Variants in DNAJC5B observed in about 807,000 individuals in gnomAD.
DNAJC5B encodes dnaJ homolog subfamily C member 5B.
DNAJC5B carries 23 observed loss-of-function variants against 24.7 expected under a neutral mutation model. That is an observed-to-expected ratio of 0.93 (90% confidence interval 0.67 to 1.32). The LOEUF (loss-of-function observed/expected upper bound fraction) is 1.32, where lower values mean the gene tolerates loss of function less well. Ranked by LOEUF, DNAJC5B falls within the 40% of genes most tolerant of loss-of-function variation. The pLI, the probability that DNAJC5B is intolerant of heterozygous loss-of-function variation, is 0.00. For synonymous variants in DNAJC5B, 101 were observed against 90.1 expected, an observed-to-expected ratio of 1.12 and a Z score of -0.68; for missense variants, 238 against 240.8, an observed-to-expected ratio of 0.99 and a Z score of 0.08.
At chr8:66,082,472 A>G (rs763841596) in intron 5 of DNAJC5B, among the ~76,000 whole-genome samples, 10 of 152,116 alleles carry the variant, frequency 6.6e-5, no homozygotes, top group Non-Finnish European at 1.3e-4. Flanking sequence ...ACAGAAATCC[A>G]TACTAGGTGC....
chr8:66,041,037 A>G (rs1335492481), intron 1 of DNAJC5B, among the ~76,000 whole-genome samples: 1 of 152,034 alleles, frequency 6.6e-6, no homozygotes, highest in African/African-American at 2.4e-5. Context: ...ATAGAGTGGT[A>G]GTGACGGCTT....
chr8:66,097,880 G>A (rs558230060), intron 5 of DNAJC5B, among the ~76,000 whole-genome samples: 27 of 151,600 alleles, frequency 1.8e-4, no homozygotes, highest in Non-Finnish European at 2.6e-4. Context: ...ACGGAGTTTC[G>A]CTCTTGTCAC....
chr8:66,088,519 C>A (rs1307999973), intron 5 of DNAJC5B, among the ~76,000 whole-genome samples: 1 of 152,184 alleles, frequency 6.6e-6, no homozygotes, highest in Non-Finnish European at 1.5e-5. Flanking sequence ...ACCATATAGT[C>A]AGGTTGCAAA....
At chr8:66,076,564 A>G (rs1291575579) in intron 3 of DNAJC5B, 96 bp from the exon 4 acceptor site, 4 of 1,292,428 alleles carry the variant, frequency 3.1e-6, no homozygotes, top group Non-Finnish European at 4.4e-6. Flanking sequence ...TATTTGCGCT[A>G]ATAAAGAATA....
At chr8:66,019,723 A>G (rs1806059421), upstream of DNAJC5B, among the ~76,000 whole-genome samples, 1 of 152,224 alleles carries the variant, frequency 6.6e-6, no homozygotes, top group South Asian at 2.1e-4. Flanking sequence ...AAGTGTGGGA[A>G]ACCCTGACAT....
chr8:66,085,213 G>C (rs1331204526), intron 5 of DNAJC5B, among the ~76,000 whole-genome samples: 2 of 152,180 alleles, frequency 1.3e-5, no homozygotes, highest in African/African-American at 4.8e-5. Context: ...GCGGAGGCTG[G>C]TGGATCGCTT....
intron 4 of DNAJC5B, among the ~76,000 whole-genome samples, chr8:66,078,759 A>G (rs1807527685): frequency 6.6e-6 from 1 of 152,114 alleles, no homozygotes; most frequent in Non-Finnish European, 1.5e-5. Flanking sequence ...CAAAGAGATT[A>G]TATGTTTGAG....
At chr8:66,035,140 C>T (rs183530099) in intron 1 of DNAJC5B, among the ~76,000 whole-genome samples, 3 of 152,280 alleles carry the variant, frequency 2.0e-5, no homozygotes, top group East Asian at 1.9e-4. Flanking sequence ...AAATAGGCCT[C>T]GAAGGGAAAT....
chr8:66,069,321 C>A (rs1394534616), intron 3 of DNAJC5B, among the ~76,000 whole-genome samples: 1 of 151,840 alleles, frequency 6.6e-6, no homozygotes, highest in Non-Finnish European at 1.5e-5. Flanking sequence ...TTACAAAAGA[C>A]ATATCTAATA....
chr8:66,024,447 C>A (rs1806211728), intron 1 of DNAJC5B, among the ~76,000 whole-genome samples: 1 of 115,942 alleles, frequency 8.6e-6, no homozygotes, highest in African/African-American at 3.7e-5. Context: ...TTATTATACT[C>A]TAAGTTTTAG....
upstream of DNAJC5B, among the ~76,000 whole-genome samples, chr8:66,016,688 C>T (rs2128953410): frequency 6.6e-6 from 1 of 152,304 alleles, no homozygotes; most frequent in Admixed American, 6.5e-5. Context: ...TTTTGTAGAA[C>T]TCTCAGGCCA....
intron 5 of DNAJC5B, among the ~76,000 whole-genome samples, chr8:66,095,394 T>A (rs1807928241): frequency 6.6e-6 from 1 of 150,448 alleles, no homozygotes; most frequent in African/African-American, 2.5e-5. Context: ...CATTGGTCAT[T>A]TCTGCTTTCT....
chr8:66,058,444 C>CA (rs1386165891), intron 3 of DNAJC5B, among the ~76,000 whole-genome samples: 1 of 152,186 alleles, frequency 6.6e-6, no homozygotes, highest in African/African-American at 2.4e-5. Flanking sequence ...CTCATGGACC[C>CA]AGCCAGATCA....
intron 1 of DNAJC5B, among the ~76,000 whole-genome samples, chr8:66,038,635 C>A (rs1383764635): frequency 6.6e-6 from 1 of 152,134 alleles, no homozygotes; most frequent in African/African-American, 2.4e-5. Flanking sequence ...CTAAAAAGGA[C>A]TACTTTTGTC....
chr8:66,096,190 C>T (rs1374806201), intron 5 of DNAJC5B, among the ~76,000 whole-genome samples: 1 of 152,120 alleles, frequency 6.6e-6, no homozygotes, highest in Admixed American at 6.5e-5. Context: ...CTGTTCATCT[C>T]CCTATGATTT....
intron 5 of DNAJC5B, among the ~76,000 whole-genome samples, chr8:66,089,824 A>G (rs1380072394): frequency 6.6e-6 from 1 of 152,178 alleles, no homozygotes; most frequent in African/African-American, 2.4e-5. Context: ...TTCACTGGCA[A>G]CTACAGAACT....
intron 5 of DNAJC5B, among the ~76,000 whole-genome samples, chr8:66,092,408 G>A (rs1014353623): frequency 7.9e-5 from 12 of 152,234 alleles, no homozygotes; most frequent in South Asian, 6.2e-4. Context: ...GGCAGTCTAC[G>A]CCAGGAGCTA....
chr8:66,054,898 G>A (rs959678528), intron 3 of DNAJC5B, among the ~76,000 whole-genome samples: 1 of 151,908 alleles, frequency 6.6e-6, no homozygotes, highest in Non-Finnish European at 1.5e-5. Context: ...GAGGTGGGAG[G>A]GAATGCCATA....
chr8:66,051,367 G>A (rs1371046615), intron 2 of DNAJC5B, among the ~76,000 whole-genome samples, 164 bp from the exon 3 acceptor site: 1 of 152,128 alleles, frequency 6.6e-6, no homozygotes, highest in African/African-American at 2.4e-5. Flanking sequence ...CTGATTCAGA[G>A]CTCTGCTTTT....
Sources: allele counts gnomAD v4.1 joint callset (sites outside exome capture counted in the v4.1 genomes callset), GRCh38; gene constraint gnomAD v4.1.1; transcripts MANE v1.5; gene names NCBI Gene and HGNC (gene_info 2026-07-23, HGNC 2026-07-21).